ABCB11: variants seen among roughly 807,000 people sequenced by gnomAD.
ABCB11 encodes ATP binding cassette subfamily B member 11.
A neutral mutation model predicts 148.0 loss-of-function variants in ABCB11; 95 were observed. That is an observed-to-expected ratio of 0.64 (90% confidence interval 0.54 to 0.76). ABCB11 has a LOEUF of 0.76. Among genes scored for constraint, ABCB11 ranks in the 30% least tolerant of loss-of-function variants. The probability of loss-of-function intolerance (pLI) is 0.00; values close to 1 mark genes in which losing one functional copy is unlikely to be tolerated. For synonymous variants in ABCB11, 591 were observed against 555.4 expected (o/e 1.06, Z -0.90); for missense variants, 1,523 against 1,617.8 (o/e 0.94, Z 1.01).
rs375602894 is a variant in ABCB11 at position 168,969,554 on chromosome 2, G to A, written c.1810-3C>T. On this transcript the variant is annotated splice_polypyrimidine_tract_variant and splice_region_variant and intron_variant, in intron 15 of 27. Transcript: ENST00000650372. ...ATGATTGTGTGCCCATGCTGAATCT[G>A]TAAGAATGTACAGTGCACCATTAAA... 56 of 1,611,248 alleles carry A rather than the reference G, an allele frequency of 3.5e-5. No homozygotes were observed. The highest frequency in any genetic ancestry group is 4.7e-5 in the Non-Finnish European group (55 of 1,178,388).
intron 5 of ABCB11, among the ~76,000 whole-genome samples, chr2:169,000,344 GC>G (rs911909732): frequency 2.0e-5 from 3 of 151,984 alleles, no homozygotes; most frequent in African/African-American, 7.2e-5. Context: ...TATGAATTGT[GC>G]TTTTGGTGTC....
At chr2:168,952,751 T>C (rs1257816448) in intron 19 of ABCB11, among the ~76,000 whole-genome samples, 1 of 151,154 alleles carries the variant, frequency 6.6e-6, no homozygotes, top group Non-Finnish European at 1.5e-5. Flanking sequence ...TTTTGCTAAC[T>C]TTGGGTTTGG....
At chr2:168,915,680 C>T (rs1336954985) in exon 3 of ABCB11, among the ~76,000 whole-genome samples, 1 of 152,214 alleles carries the variant, frequency 6.6e-6, no homozygotes, top group Non-Finnish European at 1.5e-5. Flanking sequence ...CACAGCATGG[C>T]TGCTGTGCAT....
Position 168,924,785 on chromosome 2 carries a change from C to A in ABCB11, c.3637G>T (p.Gly1213Trp). ...CTAGAGAGTTGAGACCCCTGGGACCCAACGTTAGTTTCATATTTCTGAAAA... is the reference window on the plus strand; with the variant it reads ...CTAGAGAGTTGAGACCCCTGGGACCAAACGTTAGTTTCATATTTCTGAAAA... ...SLPEKYETNV[G>W]SQGSQLSRGE... The change falls in exon 27 of 28, where the codon GGG becomes TGG. Residue 1213 changes from glycine (G) to tryptophan (W), a missense_variant. Coordinates refer to ENST00000650372, the MANE Select transcript of ABCB11 (RefSeq NM_003742.4). 1 of 1,609,122 alleles carries A rather than the reference C, an allele frequency of 6.2e-7. No homozygotes were observed. The highest frequency in any genetic ancestry group is 8.5e-7 in the Non-Finnish European group (1 of 1,178,112).
At chr2:169,010,093 T>G (rs1050912095) in intron 5 of ABCB11, among the ~76,000 whole-genome samples, 4 of 152,200 alleles carry the variant, frequency 2.6e-5, no homozygotes, top group Non-Finnish European at 5.9e-5. Context: ...TCTGGCAATA[T>G]TCACACTTGT....
Position 168,924,737 on chromosome 2 carries a change from T to C in ABCB11, c.3685A>G (p.Ile1229Val), listed in dbSNP as rs1691229721. ...GGATCTCGTACAATGGCCCGAGCAA[T>C]AGCAATGCGTTGTTTCTCCCCTCTA... Reference protein sequence around the residue: ...LSRGEKQRIAIARAIVRDPKI... With the variant: ...LSRGEKQRIAVARAIVRDPKI... Residue 1229 changes from isoleucine to valine, a missense_variant, in exon 27 of 28, where the codon ATT becomes GTT. By Grantham distance (29) the Ile-to-Val change is conservative. Coordinates refer to ENST00000650372, the MANE Select transcript of ABCB11 (RefSeq NM_003742.4). 1 of 1,613,842 alleles carries C rather than the reference T, an allele frequency of 6.2e-7. No individual in the cohort carries two copies. The highest frequency in any genetic ancestry group is 8.5e-7 in the Non-Finnish European group (1 of 1,179,816).
At chr2:168,919,120 T>A (rs1280343164), downstream of ABCB11, among the ~76,000 whole-genome samples, 1 of 152,152 alleles carries the variant, frequency 6.6e-6, no homozygotes, top group Non-Finnish European at 1.5e-5. Flanking sequence ...CCATGTCCTA[T>A]CCCATCCCAA....
At position 168,927,376 on chromosome 2, in the gene ABCB11, A is replaced by G. The variant is rs1691366398; in HGVS notation, c.3412-14T>C. On this transcript the variant is annotated splice_polypyrimidine_tract_variant and intron_variant, in intron 25 of 27. Transcript: ENST00000650372. ...ACCATCTATCATCTGCCAATAGAGG[A>G]GATGACAGGTCATTAGGTTTTTAGA... 1 of 1,605,394 alleles carries G rather than the reference A, an allele frequency of 6.2e-7. No individual in the cohort carries two copies.
chr2:169,003,240 G>A (rs1308011292), intron 5 of ABCB11, among the ~76,000 whole-genome samples: 1 of 151,594 alleles, frequency 6.6e-6, no homozygotes, highest in Non-Finnish European at 1.5e-5. Context: ...ACTTCACTTA[G>A]AATAATAGTC....
At chr2:168,955,156 T>G (rs1692735693) in intron 19 of ABCB11, among the ~76,000 whole-genome samples, 1 of 151,692 alleles carries the variant, frequency 6.6e-6, no homozygotes, top group South Asian at 2.1e-4. Context: ...TATCCTGAAT[T>G]GATTTCTGAT....
chr2:169,018,261 C>A (rs1271527542), intron 1 of ABCB11, 109 bp from the exon 2 acceptor site: 7 of 950,738 alleles, frequency 7.4e-6, no homozygotes, highest in African/African-American at 3.3e-5. Flanking sequence ...CTTTACTAAT[C>A]AATCTCAGAC....
chr2:169,026,938 A>G (rs972238485), intron 1 of ABCB11, among the ~76,000 whole-genome samples: 1 of 152,172 alleles, frequency 6.6e-6, no homozygotes, highest in Non-Finnish European at 1.5e-5. Context: ...AATGTCACCT[A>G]GTTCTACTGT....
chr2:168,972,778 G>A (rs1693642483), intron 13 of ABCB11, among the ~76,000 whole-genome samples: 1 of 152,028 alleles, frequency 6.6e-6, no homozygotes, highest in African/African-American at 2.4e-5. Flanking sequence ...TCAAGGAGAT[G>A]CTGACAAGAA....
intron 17 of ABCB11, among the ~76,000 whole-genome samples, chr2:168,964,825 C>A (rs1333592939): frequency 3.3e-5 from 5 of 151,840 alleles, no homozygotes; most frequent in African/African-American, 1.2e-4. Context: ...TTCAGACATG[C>A]ATGAATGAGT....
intron 10 of ABCB11, among the ~76,000 whole-genome samples, chr2:168,982,368 T>C (rs1462574178): frequency 2.0e-5 from 3 of 152,192 alleles, no homozygotes. Flanking sequence ...GAGCATTACA[T>C]GCAGTAATTT....
intron 21 of ABCB11, among the ~76,000 whole-genome samples, chr2:168,937,962 C>A (rs1335647065): frequency 6.6e-6 from 1 of 152,180 alleles, no homozygotes; most frequent in Non-Finnish European, 1.5e-5. Flanking sequence ...AAGCTTGGCA[C>A]ACTCTGTAGA....
intron 1 of ABCB11, among the ~76,000 whole-genome samples, chr2:169,025,862 G>A (rs1695679121): frequency 6.6e-6 from 1 of 152,194 alleles, no homozygotes; most frequent in Non-Finnish European, 1.5e-5. Context: ...CACACTGTCA[G>A]GGGCTGTGGG....
intron 10 of ABCB11, among the ~76,000 whole-genome samples, chr2:168,981,503 G>A (rs1203138686): frequency 2.6e-5 from 4 of 152,134 alleles, no homozygotes; most frequent in Non-Finnish European, 5.9e-5. Context: ...GATAATGTGT[G>A]TAAAGATGAT....
chr2:168,986,469 A>G lies in ABCB11; in HGVS notation c.909-185T>C, dbSNP rs565379696. 2.6e-5 allele frequency among the ~76,000 whole-genome samples: 4 copies of G among 152,254 alleles called. No individual in the cohort carries two copies. The South Asian group carries it at 8.3e-4, about 32-fold the overall frequency. ...TTTTAAAGTTTGTTTTAACCTGACA[A>G]TGAAACATGTTGAAAGGGCGATACT... On this transcript the variant is annotated intron_variant, in intron 9 of 27. Coordinates refer to ENST00000650372, the MANE Select transcript of ABCB11 (RefSeq NM_003742.4).
Sources: allele counts gnomAD v4.1 joint callset (sites outside exome capture counted in the v4.1 genomes callset), GRCh38; gene constraint gnomAD v4.1.1; transcripts MANE v1.5; gene names NCBI Gene and HGNC (gene_info 2026-07-23, HGNC 2026-07-21).